Variants in PDE3A observed in about 807,000 individuals in gnomAD.
PDE3A encodes phosphodiesterase 3A, also known as cGMP-inhibited 3',5'-cyclic phosphodiesterase 3A.
A neutral mutation model predicts 98.3 loss-of-function variants in PDE3A; 43 were observed. The ratio of observed to expected loss-of-function variants is 0.44; its 90% CI spans 0.34 to 0.56. PDE3A has a LOEUF of 0.56. Among genes scored for constraint, PDE3A ranks in the 20% least tolerant of loss-of-function variants. PDE3A has a pLI of 0.01. For synonymous variants in PDE3A, 663 were observed against 567.9 expected (o/e 1.17, Z -2.38); for missense variants, 1,427 against 1,440.7 (o/e 0.99, Z 0.15).
intron 2 of PDE3A, among the ~76,000 whole-genome samples, chr12:20,599,007 C>T (rs375833654): frequency 5.5e-4 from 83 of 152,274 alleles, no homozygotes; most frequent in African/African-American, 2.0e-3. Context: ...CATTCAGTTA[C>T]CAACTGATAG....
At chr12:20,459,579 A>T (rs1945212964) in intron 1 of PDE3A, among the ~76,000 whole-genome samples, 1 of 152,136 alleles carries the variant, frequency 6.6e-6, no homozygotes, top group Non-Finnish European at 1.5e-5. Flanking sequence ...TTTCACCATC[A>T]AGAGATTGTT....
chr12:20,574,734 C>A (rs1332990882), intron 2 of PDE3A, among the ~76,000 whole-genome samples: 2 of 152,052 alleles, frequency 1.3e-5, no homozygotes, highest in Middle Eastern at 3.4e-3. Context: ...ACATGATGCC[C>A]TTGGACCATA....
chr12:20,434,403 A>G (rs899414563), intron 1 of PDE3A, among the ~76,000 whole-genome samples: 1 of 152,066 alleles, frequency 6.6e-6, no homozygotes, highest in African/African-American at 2.4e-5. Flanking sequence ...CTCTATTGCT[A>G]TCTATCTTCA....
chr12:20,433,657 C>T (rs1230447567), intron 1 of PDE3A, among the ~76,000 whole-genome samples: 1 of 151,978 alleles, frequency 6.6e-6, no homozygotes, highest in African/African-American at 2.4e-5. Flanking sequence ...ATTTTAAGAA[C>T]AGCATACGTT....
rs1254885931 is a variant in PDE3A at position 20,683,946 on chromosome 12, T to C, written c.*3675T>C. On this transcript the variant is annotated 3_prime_UTR_variant, in exon 16 of 16. Coordinates refer to ENST00000359062, the MANE Select transcript of PDE3A (RefSeq NM_000921.5). ...AATTTCCCCATATTTCCTGCCTATCTTACCCAGATAACTTTCTTTGAAGGT... is the reference window on the plus strand; with the variant it reads ...AATTTCCCCATATTTCCTGCCTATCCTACCCAGATAACTTTCTTTGAAGGT... 1 of 152,166 alleles carries C rather than the reference T, an allele frequency of 6.6e-6. No individual in the cohort carries two copies. The highest frequency in any genetic ancestry group is 1.5e-5 in the Non-Finnish European group (1 of 68,022). 9.4% of individuals were successfully genotyped at this position (152,166 alleles called of 1,614,324 possible). A position where few individuals can be genotyped will look rare whatever the true frequency, so the allele number is the denominator to read the frequency against.
chr12:20,551,935 G>A, intron 1 of PDE3A: 2 of 1,613,218 alleles, frequency 1.2e-6, no homozygotes, highest in South Asian at 1.1e-5. Flanking sequence ...CCGAGTCCAG[G>A]TCAGCGAGTC....
In PDE3A at chr12:20,639,846, G is replaced by C; in HGVS notation, c.2140G>C (p.Val714Leu). The change falls in exon 10 of 16, where the codon GTA (valine) becomes CTA (leucine). Residue 714 changes from valine to leucine, a missense_variant and splice_region_variant. By Grantham distance (32) the Val-to-Leu change is conservative. This residue lies in a region of PDE3A where 273 missense variants were observed against 420.3 expected (regional missense o/e 0.65). Transcript: ENST00000359062. ...GRKCGRILSQ[V>L]SYRLFEDMGL... is the part of the protein sequence containing the mutation. ...CATAAGGCTTTGTCTTCTTTTACAG[G>C]TATCTTACAGACTTTTTGAAGACAT... The C allele has an allele frequency of 7.2e-7, 1 of 1,379,596 alleles. No individual in the cohort carries two copies. The highest frequency in any genetic ancestry group is 1.2e-5 in the South Asian group (1 of 86,118). The allele number at this position is 1,379,596 out of a possible 1,614,324, so 85.5% of individuals were successfully genotyped here.
chr12:20,468,181 C>A (rs1945376850), intron 1 of PDE3A, among the ~76,000 whole-genome samples: 1 of 152,134 alleles, frequency 6.6e-6, no homozygotes, highest in East Asian at 1.9e-4. Context: ...TTTCCATTTG[C>A]AATTGATTTC....
rs552158809 is a variant in PDE3A at position 20,635,298 on chromosome 12, G to A, written c.2001+242G>A. On this transcript the variant is annotated intron_variant, in intron 8 of 15. Coordinates refer to ENST00000359062, the MANE Select transcript of PDE3A (RefSeq NM_000921.5). ...TTACCCAGGCATAGCCAGGTGCAGT[G>A]GCTCACGCCTGTAATCCCAGCACTT... 7.2e-5 allele frequency among the ~76,000 whole-genome samples: 11 copies of A among 152,194 alleles called. No homozygotes were observed. The South Asian group carries it at 1.2e-3, about 17-fold the overall frequency.
chr12:20,564,184 T>G (rs146831921), intron 2 of PDE3A, among the ~76,000 whole-genome samples: 1 of 152,028 alleles, frequency 6.6e-6, no homozygotes, highest in Admixed American at 6.5e-5. Context: ...CTCTACCTAG[T>G]AGAGGCCAGA....
intron 1 of PDE3A, among the ~76,000 whole-genome samples, chr12:20,541,075 C>CTTTTTTTTTTTTTTTTTTTTTTTTT (rs777927679): frequency 1.9e-5 from 1 of 52,958 alleles, no homozygotes; most frequent in African/African-American, 6.8e-5. Context: ...TGGTAACTTT[C>CTTTTTTTTTTTTTTTTTTTTTTTTT]TTTTTTTTTT....
chr12:20,674,542 G>A (rs1945582482), intron 15 of PDE3A, among the ~76,000 whole-genome samples: 1 of 152,054 alleles, frequency 6.6e-6, no homozygotes. Flanking sequence ...ATATTGAGAG[G>A]ATAGATGCAA....
rs1943404632 is a variant in PDE3A, at chr12:20,369,186, CGTGCGTGT to C, written c.-95_-88del. ...CGAGGGTGGAATTGGGAAGAGCGTG[CGTGCGTGT>C]GTGTGTGTGTGTGTGTGCGCGCGCG... On this transcript the variant is annotated 5_prime_UTR_variant, in exon 1 of 16. Coordinates refer to ENST00000359062, the MANE Select transcript of PDE3A (RefSeq NM_000921.5). The C allele has an allele frequency of 5.6e-6, 4 of 708,784 alleles. No individual in the cohort carries two copies. The highest frequency in any genetic ancestry group is 4.9e-5 in the African/African-American group (2 of 40,610). 43.9% of individuals were successfully genotyped at this position (708,784 alleles called of 1,614,324 possible).
At chr12:20,425,375 G>GA (rs1944586643) in intron 1 of PDE3A, among the ~76,000 whole-genome samples, 1 of 152,028 alleles carries the variant, frequency 6.6e-6, no homozygotes, top group South Asian at 2.1e-4. Flanking sequence ...TCTTTAAAGA[G>GA]AATATTTCAC....
rs905346586 is a variant in PDE3A, at chr12:20,622,434, G to A, written c.1540+1023G>A. On this transcript the variant is annotated intron_variant, in intron 5 of 15. Coordinates refer to ENST00000359062, the MANE Select transcript of PDE3A (RefSeq NM_000921.5). ...CCCTCAGAATTGTGTGCTTTGCCTC[G>A]ATAGCTTTTTTGTACCATTTTATTG... Among the ~76,000 whole-genome samples, 6 of 152,048 alleles carry A rather than the reference G, an allele frequency of 3.9e-5. No individual in the cohort carries two copies. In the East Asian group the frequency reaches 5.8e-4, roughly 15 times the overall value.
rs373958165 is a variant in PDE3A, at chr12:20,673,713, G to C, written c.3185-6317G>C. On this transcript the variant is annotated intron_variant, in intron 15 of 15. Transcript: ENST00000359062. ...GGGACTGTTGTGGGGTGGGGGGAGG[G>C]GGGAGGGATAGCATTGGGAGATATA... Among the ~76,000 whole-genome samples the C allele has an allele frequency of 3.3e-3, 389 of 117,590 alleles. 4 individuals are homozygous for C. The highest frequency in any genetic ancestry group is 0.013 in the East Asian group (42 of 3,266). The allele number at this position is 117,590 out of a possible 152,430, so 77.1% of individuals were successfully genotyped here.
At chr12:20,563,711 A>G (rs1942587685) in intron 2 of PDE3A, among the ~76,000 whole-genome samples, 1 of 152,126 alleles carries the variant, frequency 6.6e-6, no homozygotes, top group Admixed American at 6.5e-5. Flanking sequence ...TTTTGCTTAT[A>G]CTAACGGGGA....
chr12:20,630,821 A>T (rs1210999381), intron 6 of PDE3A, among the ~76,000 whole-genome samples: 4 of 152,156 alleles, frequency 2.6e-5, no homozygotes, highest in Non-Finnish European at 4.4e-5. Flanking sequence ...ATCTTAAAGC[A>T]TTATGGTATT....
chr12:20,586,143 T>C (rs755776282), intron 2 of PDE3A, among the ~76,000 whole-genome samples: 43 of 152,124 alleles, frequency 2.8e-4, no homozygotes, highest in Middle Eastern at 6.8e-3. Flanking sequence ...AGGGAACATG[T>C]TCCAAAAGCA....
Sources: gnomAD v4.1 joint callset for allele counts (sites outside exome capture counted in the v4.1 genomes callset) on GRCh38, gnomAD v4.1.1 for gene constraint, gnomAD v4.1.1 regional missense constraint, MANE v1.5 for transcripts, NCBI Gene and HGNC (gene_info 2026-07-23, HGNC 2026-07-21) for gene names.